Variants in DIPK1A observed in about 807,000 individuals in gnomAD.
DIPK1A encodes the protein family with sequence similarity 69 member A.
A neutral mutation model predicts 40.8 loss-of-function variants in DIPK1A; 27 were observed. The observed-to-expected ratio is 0.66, with a 90% CI of 0.49 to 0.91. The LOEUF is 0.91. Among genes scored for constraint, DIPK1A ranks in the 40% least tolerant of loss-of-function variants. The pLI is 0.00. For missense variants in DIPK1A, 412 were observed against 505.7 expected, an observed-to-expected ratio of 0.81 and a Z score of 1.78; for synonymous variants, 166 against 171.3, an observed-to-expected ratio of 0.97 and a Z score of 0.24.
chr1:92,920,632 A>G (rs1442090145), intron 1 of DIPK1A, among the ~76,000 whole-genome samples: 3 of 152,216 alleles, frequency 2.0e-5, no homozygotes, highest in Non-Finnish European at 4.4e-5. Context: ...TCTTAACTCT[A>G]CCTTAGAAGA....
intron 1 of DIPK1A, among the ~76,000 whole-genome samples, chr1:92,949,217 TAAAA>T (rs1264084437): frequency 4.6e-5 from 7 of 152,090 alleles, no homozygotes; most frequent in Admixed American, 6.6e-5. Context: ...TTGGGGAACT[TAAAA>T]AACTTAATAA....
chr1:92,910,130 C>A (rs889685914), intron 1 of DIPK1A, among the ~76,000 whole-genome samples: 1 of 152,152 alleles, frequency 6.6e-6, no homozygotes, highest in Non-Finnish European at 1.5e-5. Flanking sequence ...TTCTTCAACA[C>A]GTGGGTGTTT....
intron 1 of DIPK1A, among the ~76,000 whole-genome samples, chr1:92,921,376 A>C (rs1355226272): frequency 6.6e-6 from 1 of 152,230 alleles, no homozygotes; most frequent in Non-Finnish European, 1.5e-5. Context: ...GAGAACACAA[A>C]GATGACCATA....
At chr1:92,897,058 G>T (rs1649204544) in intron 1 of DIPK1A, among the ~76,000 whole-genome samples, 1 of 151,818 alleles carries the variant, frequency 6.6e-6, no homozygotes, top group African/African-American at 2.4e-5. Context: ...CTGTTGGTGG[G>T]ACTGTAAACT....
At chr1:92,882,823 C>G (rs1399535328) in intron 1 of DIPK1A, among the ~76,000 whole-genome samples, 1 of 152,190 alleles carries the variant, frequency 6.6e-6, no homozygotes, top group East Asian at 1.9e-4. Flanking sequence ...GCAGGAGACA[C>G]TCTGTGTATC....
Position 92,930,272 on chromosome 1 carries a change from C to A in DIPK1A, c.54+31104G>T, listed in dbSNP as rs149179752. Among the ~76,000 whole-genome samples the A allele has an allele frequency of 2.0e-3, 299 of 152,270 alleles. 1 individual carries two copies. Among genetic ancestry groups the A allele is most frequent in the African/African-American group, 7.0e-3 (290 of 41,546 alleles). Reference sequence around the variant, plus strand: ...GACTCTCAGAAGCCTAAAGTCTTTTCTCCTCACCTCATATAGCCCTTAAAA... The same window carrying A: ...GACTCTCAGAAGCCTAAAGTCTTTTATCCTCACCTCATATAGCCCTTAAAA... On this transcript the variant is annotated intron_variant, in intron 1 of 4. Transcript: ENST00000370310.
At position 92,845,541 on chromosome 1, in the gene DIPK1A, G is replaced by GAAA. The variant is rs545634818; in HGVS notation, c.475-1349_475-1347dup. ...AAAAAAAAAAAAAACCGTCTCTGCT[G>GAAA]AAAAAAAAAAAAAAATGCTGGATGC... is the stretch of plus-strand genomic sequence containing the variant. On this transcript the variant is annotated intron_variant, in intron 4 of 4. Coordinates refer to ENST00000370310, the MANE Select transcript of DIPK1A (RefSeq NM_001006605.5). 2.0e-3 allele frequency: 454 copies of GAAA among 227,062 alleles called. 2 individuals are homozygous for GAAA. Among genetic ancestry groups the GAAA allele is most frequent in the Middle Eastern group, 3.4e-3 (2 of 580 alleles). The allele number at this position is 227,062 out of a possible 1,614,324, so 14.1% of individuals were successfully genotyped here.
chr1:92,894,206 T>G (rs905350755), intron 1 of DIPK1A, among the ~76,000 whole-genome samples: 1 of 152,134 alleles, frequency 6.6e-6, no homozygotes, highest in Non-Finnish European at 1.5e-5. Context: ...ATACATTCTT[T>G]TCAGCACCAC....
chr1:92,862,404 T>C (rs957066774), intron 2 of DIPK1A, among the ~76,000 whole-genome samples: 1 of 152,208 alleles, frequency 6.6e-6, no homozygotes, highest in Non-Finnish European at 1.5e-5. Flanking sequence ...TGAGTTGTCC[T>C]AAATTTCTTG....
chr1:92,873,089 A>G (rs1489749961), intron 2 of DIPK1A, among the ~76,000 whole-genome samples: 1 of 152,180 alleles, frequency 6.6e-6, no homozygotes, highest in Non-Finnish European at 1.5e-5. Context: ...CCCCCAGGGT[A>G]AAAGAGGCCA....
At chr1:92,852,790 C>T (rs1177098536) in intron 2 of DIPK1A, among the ~76,000 whole-genome samples, 2 of 152,146 alleles carry the variant, frequency 1.3e-5, no homozygotes, top group African/African-American at 4.8e-5. Flanking sequence ...CCTGTAATAA[C>T]AGCACTTTGG....
chr1:92,890,573 C>A (rs922278331), intron 1 of DIPK1A, among the ~76,000 whole-genome samples: 1 of 152,010 alleles, frequency 6.6e-6, no homozygotes, highest in African/African-American at 2.4e-5. Context: ...TTAAAATGAC[C>A]ATAAGGTTTT....
At chr1:92,897,935 C>T (rs1290392672) in intron 1 of DIPK1A, among the ~76,000 whole-genome samples, 1 of 152,064 alleles carries the variant, frequency 6.6e-6, no homozygotes, top group Non-Finnish European at 1.5e-5. Flanking sequence ...CTTATCTCTA[C>T]TAAAAATACA....
intron 2 of DIPK1A, among the ~76,000 whole-genome samples, chr1:92,873,908 G>T (rs1273387617): frequency 6.6e-6 from 1 of 151,954 alleles, no homozygotes; most frequent in Non-Finnish European, 1.5e-5. Context: ...TTTTCTGCTT[G>T]CTTTTTAGTT....
chr1:92,942,928 G>A (rs1428395971), intron 1 of DIPK1A, among the ~76,000 whole-genome samples: 1 of 152,240 alleles, frequency 6.6e-6, no homozygotes, highest in Non-Finnish European at 1.5e-5. Flanking sequence ...CTCCCAAAGT[G>A]TTGGGAATAC....
chr1:92,850,193 C>T (rs1028988159), intron 3 of DIPK1A, among the ~76,000 whole-genome samples: 6 of 151,752 alleles, frequency 4.0e-5, no homozygotes, highest in African/African-American at 1.2e-4. Flanking sequence ...TGGTCTCAGA[C>T]TCCTGGGCGC....
intron 4 of DIPK1A, chr1:92,837,128 A>G (rs1445795449): frequency 9.6e-6 from 4 of 415,218 alleles, no homozygotes; most frequent in Non-Finnish European, 1.8e-5. Flanking sequence ...ATTCCCATGT[A>G]CCCACTGAAA....
chr1:92,866,163 G>A (rs577631099), intron 2 of DIPK1A, among the ~76,000 whole-genome samples: 2 of 152,128 alleles, frequency 1.3e-5, no homozygotes, highest in African/African-American at 2.4e-5. Context: ...GTGCAATGGC[G>A]TGATCTCAGC....
intron 1 of DIPK1A, among the ~76,000 whole-genome samples, chr1:92,887,241 A>G (rs1250931171): frequency 7.6e-6 from 1 of 132,120 alleles, no homozygotes; most frequent in Non-Finnish European, 1.6e-5. Context: ...ACATAGGAAG[A>G]CCCCATCTCT....
Sources: gnomAD v4.1 joint callset for allele counts (sites outside exome capture counted in the v4.1 genomes callset) on GRCh38, gnomAD v4.1.1 for gene constraint, MANE v1.5 for transcripts, NCBI Gene and HGNC (gene_info 2026-07-23, HGNC 2026-07-21) for gene names.